DHX33: variants seen among roughly 807,000 people sequenced by gnomAD.
DHX33 encodes DEAH-box helicase 33, also known as ATP-dependent RNA helicase DHX33.
DHX33 carries 42 observed loss-of-function variants against 72.5 expected under a neutral mutation model. The observed-to-expected ratio is 0.58, with a 90% CI of 0.45 to 0.75. DHX33 has a LOEUF of 0.75. Among genes scored for constraint, DHX33 ranks in the 30% least tolerant of loss-of-function variants. DHX33 has a pLI of 0.00. For synonymous variants in DHX33, 358 were observed against 366.1 expected (o/e 0.98, Z 0.25); for missense variants, 842 against 917.5 (o/e 0.92, Z 1.06).
At chr17:5,455,623 C>T (rs901316362) in intron 5 of DHX33, among the ~76,000 whole-genome samples, 7 of 152,224 alleles carry the variant, frequency 4.6e-5, no homozygotes, top group Non-Finnish European at 4.4e-5. Context: ...GGATCATAAC[C>T]TGCCTTGCCG....
rs759990694 is a variant in DHX33, at chr17:5,462,376, A to G, written c.621T>C (p.Phe207=). ...HERTIHTDVL[F]GVVKAAQKRR... ...TCTTCTGTGCAGCTTTCACCACTCC[A>G]AAGAGCACATCTGTGTGGATAGTCC... Residue 207 remains phenylalanine (F), a synonymous_variant, in exon 3 of 12, where the codon TTT becomes TTC. Coordinates refer to ENST00000225296, the MANE Select transcript of DHX33 (RefSeq NM_020162.4). 21 of 1,614,076 alleles carry G rather than the reference A, an allele frequency of 1.3e-5. No homozygotes were observed. Among genetic ancestry groups the G allele is most frequent in the Non-Finnish European group, 1.6e-5 (19 of 1,180,036 alleles).
intron 6 of DHX33, among the ~76,000 whole-genome samples, chr17:5,454,607 A>G (rs1436005991): frequency 1.3e-5 from 2 of 152,240 alleles, no homozygotes; most frequent in Non-Finnish European, 1.5e-5. Flanking sequence ...AATGTTTACT[A>G]GAGCATTTCA....
chr17:5,468,024 A>G (rs562290552), intron 1 of DHX33, among the ~76,000 whole-genome samples: 6 of 152,252 alleles, frequency 3.9e-5, no homozygotes, highest in African/African-American at 1.2e-4. Context: ...TTTGACTAGC[A>G]GCACTCATGG....
At chr17:5,453,550 A>T in intron 8 of DHX33, 30 bp downstream of exon 8, 2 of 1,595,140 alleles carry the variant, frequency 1.3e-6, no homozygotes, top group Non-Finnish European at 1.7e-6. Flanking sequence ...CTCCTCACCC[A>T]CCTTCTGCAA....
rs1916591330 is a variant in DHX33 at position 5,444,953 on chromosome 17, C to A, written c.1816-440G>T. On this transcript the variant is annotated intron_variant, in intron 11 of 11. Coordinates refer to ENST00000225296, the MANE Select transcript of DHX33 (RefSeq NM_020162.4). The surrounding 1 kb of genome is among the most constrained non-coding windows in gnomAD (Gnocchi z 4.9). ...AGCACAACTCGAATCACTCTTCATC[C>A]ACTCAAATACCTTCAACAATGTCTC... is the stretch of plus-strand genomic sequence containing the variant. 6.6e-6 allele frequency among the ~76,000 whole-genome samples: 1 copy of A among 152,250 alleles called. No individual in the cohort carries two copies. Among genetic ancestry groups the A allele is most frequent in the South Asian group, 2.1e-4 (1 of 4,834 alleles).
At chr17:5,462,632 A>C in intron 2 of DHX33, 86 bp from the exon 3 acceptor site, 1 of 920,132 alleles carries the variant, frequency 1.1e-6, no homozygotes, top group Non-Finnish European at 1.7e-6. Flanking sequence ...TTGCACTACC[A>C]CAGTGAACAA....
intron 1 of DHX33, among the ~76,000 whole-genome samples, chr17:5,464,309 A>T (rs972467910): frequency 2.0e-5 from 3 of 152,132 alleles, no homozygotes; most frequent in Non-Finnish European, 2.9e-5. Context: ...CAGCATGGGC[A>T]ACGGAATGAC....
At position 5,444,279 on chromosome 17, in the gene DHX33, C is replaced by T. The variant is rs199948299; in HGVS notation, c.2050G>A (p.Val684Ile). ...TNKCYMRDLC[V>I]IDAQWLYEAA... Reference sequence around the variant, plus strand: ...TCGTACAGCCACTGTGCATCTATGACGCAGAGGTCCCGCATGTAGCACTTG... The same window carrying T: ...TCGTACAGCCACTGTGCATCTATGATGCAGAGGTCCCGCATGTAGCACTTG... The change falls in exon 12 of 12, where the codon GTC (valine) becomes ATC (isoleucine). Residue 684 changes from valine to isoleucine, a missense_variant. By Grantham distance (29) the Val-to-Ile change is conservative (BLOSUM62 3). Transcript: ENST00000225296. The surrounding 1 kb of genome is among the most constrained non-coding windows in gnomAD (Gnocchi z 4.9). 324 of 1,614,018 alleles carry T rather than the reference C, an allele frequency of 2.0e-4. No individual in the cohort carries two copies. The highest frequency in any genetic ancestry group is 1.8e-4 in the Non-Finnish European group (215 of 1,180,032).
chr17:5,449,981 T>C (rs895582719), intron 10 of DHX33, among the ~76,000 whole-genome samples: 5 of 152,206 alleles, frequency 3.3e-5, no homozygotes, highest in Non-Finnish European at 7.3e-5. Flanking sequence ...TGGGAGTCAC[T>C]TAAGTCTTGT....
Position 5,441,930 on chromosome 17 carries a change from T to C in DHX33, c.*2275A>G, listed in dbSNP as rs780100648. 2.0e-5 allele frequency: 3 copies of C among 152,208 alleles called. No homozygotes were observed. The highest frequency in any genetic ancestry group is 4.4e-5 in the Non-Finnish European group (3 of 68,050). The allele number at this position is 152,208 out of a possible 1,614,324, so 9.4% of individuals were successfully genotyped here. A position where few individuals can be genotyped will look rare whatever the true frequency, so the allele number is the denominator to read the frequency against. ...TTTTTTTTCTGAGACCGTCTCACAC[T>C]GTCGGCCAGGCTGGAATGCAGTGGC... On this transcript the variant is annotated 3_prime_UTR_variant, in exon 12 of 12. Coordinates refer to ENST00000225296, the MANE Select transcript of DHX33 (RefSeq NM_020162.4).
At chr17:5,452,075 G>C (rs764224346) in intron 8 of DHX33, among the ~76,000 whole-genome samples, 1 of 149,558 alleles carries the variant, frequency 6.7e-6, no homozygotes, top group Non-Finnish European at 1.5e-5. Context: ...GGAGGCGAGG[G>C]CAAGTGGGTG....
At chr17:5,465,321 T>C (rs566493387) in intron 1 of DHX33, among the ~76,000 whole-genome samples, 312 of 152,254 alleles carry the variant, frequency 2.0e-3, no homozygotes, top group Middle Eastern at 3.4e-3. Context: ...CAGATAAGAA[T>C]CAGACAAAGG....
chr17:5,452,074 G>A (rs1389513750), intron 8 of DHX33, among the ~76,000 whole-genome samples: 1 of 151,700 alleles, frequency 6.6e-6, no homozygotes, highest in African/African-American at 2.4e-5. Context: ...AGGAGGCGAG[G>A]GCAAGTGGGT....
At chr17:5,460,761 C>T (rs1305846166) in intron 4 of DHX33, among the ~76,000 whole-genome samples, 178 bp downstream of exon 4, 1 of 152,200 alleles carries the variant, frequency 6.6e-6, no homozygotes, top group African/African-American at 2.4e-5. Context: ...CCTGCCTCGG[C>T]CTCCCAAAGT....
In DHX33 at chr17:5,441,877, A is replaced by G. The variant is rs1451323655; in HGVS notation, c.*2328T>C. 6.6e-6 allele frequency: 1 copy of G among 151,950 alleles called. No individual in the cohort carries two copies. The highest frequency in any genetic ancestry group is 1.5e-5 in the Non-Finnish European group (1 of 67,976). 9.4% of individuals were successfully genotyped at this position (151,950 alleles called of 1,614,324 possible). On this transcript the variant is annotated 3_prime_UTR_variant, in exon 12 of 12. Coordinates refer to ENST00000225296, the MANE Select transcript of DHX33 (RefSeq NM_020162.4). ...CTTAAGCTGGACATAAATTACCCCA[A>G]GTTTTTTCTTTTTCTTTCTTTCTTT...
At chr17:5,454,019 G>A in intron 6 of DHX33, 39 bp from the exon 7 acceptor site, 1 of 1,602,926 alleles carries the variant, frequency 6.2e-7, no homozygotes, top group South Asian at 1.1e-5. Context: ...TTCATCACAT[G>A]AACAAACTCT....
intron 1 of DHX33, 58 bp downstream of exon 1, chr17:5,468,513 T>C: frequency 1.9e-6 from 3 of 1,553,200 alleles, no homozygotes; most frequent in African/African-American, 2.7e-5. Context: ...TAAGAAAAAC[T>C]GCTCTAGCTA....
chr17:5,447,890 C>T (rs1011795251), intron 11 of DHX33, among the ~76,000 whole-genome samples: 1 of 151,992 alleles, frequency 6.6e-6, no homozygotes, highest in Non-Finnish European at 1.5e-5. Flanking sequence ...GAGAAATACG[C>T]ATGTGAGGCC....
chr17:5,461,421 C>T (rs932960833), intron 3 of DHX33: 1 of 166,838 alleles, frequency 6.0e-6, no homozygotes, highest in African/African-American at 2.4e-5. Flanking sequence ...AGATCGAGGC[C>T]ATCCTGGCTA....
Sources: allele counts gnomAD v4.1 joint callset (sites outside exome capture counted in the v4.1 genomes callset), GRCh38; gene constraint gnomAD v4.1.1; non-coding constraint Gnocchi (gnomAD v3.1); transcripts MANE v1.5; gene names NCBI Gene and HGNC (gene_info 2026-07-23, HGNC 2026-07-21).